The following UBXN4 variants were observed in gnomAD, a reference collection of about 807,000 sequenced individuals.
The protein encoded by UBXN4 is UBX domain protein 4.
A neutral mutation model predicts 66.2 loss-of-function variants in UBXN4; 35 were observed. The ratio of observed to expected loss-of-function variants is 0.53; its 90% confidence interval spans 0.40 to 0.70. The LOEUF (loss-of-function observed/expected upper bound fraction) is 0.70, where lower values mean the gene tolerates loss of function less well. Ranked by LOEUF, UBXN4 falls within the 30% of genes least tolerant of loss-of-function variation. The probability of loss-of-function intolerance (pLI) is 0.00; values close to 1 mark genes in which losing one functional copy is unlikely to be tolerated. For missense variants in UBXN4, 533 were observed against 599.8 expected (o/e 0.89, Z 1.16); for synonymous variants, 203 against 204.5 (o/e 0.99, Z 0.06).
intron 5 of UBXN4, among the ~76,000 whole-genome samples, chr2:135,760,948 T>G (rs1398083107): frequency 1.3e-5 from 2 of 152,228 alleles, no homozygotes; most frequent in Non-Finnish European, 2.9e-5. Context: ...TCATACTAAT[T>G]ATTTTTACTA....
At chr2:135,755,822 C>T (rs906238345) in intron 5 of UBXN4, 131 bp downstream of exon 5, 3 of 541,288 alleles carry the variant, frequency 5.5e-6, no homozygotes, top group South Asian at 8.8e-5. Flanking sequence ...ATTTAAGAGT[C>T]ATATTAAATA....
chr2:135,780,745 G>A lies in UBXN4; in HGVS notation c.1388+360G>A, dbSNP rs117921176. Among the ~76,000 whole-genome samples, 54 of 152,154 alleles carry A rather than the reference G, an allele frequency of 3.5e-4. No individual in the cohort carries two copies. The East Asian group carries it at 9.3e-3, about 26-fold the overall frequency. On this transcript the variant is annotated intron_variant, in intron 12 of 12. Coordinates refer to ENST00000272638, the MANE Select transcript of UBXN4 (RefSeq NM_014607.4). ...GACAAGATAGTTCATTGCATTAATC[G>A]TTCAGGGTCATCTTGCATAATTACT...
intron 10 of UBXN4, among the ~76,000 whole-genome samples, chr2:135,776,859 G>A (rs1279563340): frequency 2.6e-5 from 4 of 152,166 alleles, no homozygotes; most frequent in East Asian, 3.9e-4. Flanking sequence ...CTCGCAGTGC[G>A]TTGGGATTAC....
chr2:135,767,542 T>C (rs1374689769), intron 6 of UBXN4, among the ~76,000 whole-genome samples: 1 of 152,230 alleles, frequency 6.6e-6, no homozygotes, highest in African/African-American at 2.4e-5. Flanking sequence ...TTTGATCTCC[T>C]TTGTTCAGCT....
At chr2:135,779,104 T>C in intron 11 of UBXN4, 25 bp downstream of exon 11, 2 of 1,551,458 alleles carry the variant, frequency 1.3e-6, no homozygotes, top group Non-Finnish European at 1.7e-6. Context: ...ATGCATTTTT[T>C]TCTCTTCTTA....
intron 10 of UBXN4, 33 bp from the exon 11 acceptor site, chr2:135,778,915 G>T: frequency 1.3e-6 from 2 of 1,561,804 alleles, no homozygotes; most frequent in Non-Finnish European, 1.7e-6. Context: ...ACTTTTAAAG[G>T]CACTCTTTAA....
At position 135,770,641 on chromosome 2, in the gene UBXN4, A is replaced by G; in HGVS notation, c.728A>G (p.Glu243Gly). Residue 243 changes from glutamate (E) to glycine (G), a missense_variant, in exon 8 of 13, where the codon GAA (glutamate) becomes GGA (glycine). Glu to Gly is a moderately conservative substitution (Grantham distance 98, BLOSUM62 -2). This residue lies in a region of UBXN4 where 529 missense variants were observed against 580.1 expected (regional missense o/e 0.91). Transcript: ENST00000272638. ...KEMLDYKRKQ[E>G]EELTKRMLEE... ...ATGTTGGATTATAAAAGAAAACAAG[A>G]AGAAGAATTAACAAAAAGAATGCTG... is the stretch of plus-strand genomic sequence containing the variant. The G allele has an allele frequency of 6.4e-7, 1 of 1,573,428 alleles. No individual in the cohort carries two copies. The highest frequency in any genetic ancestry group is 8.6e-7 in the Non-Finnish European group (1 of 1,165,790).
At chr2:135,744,242 G>A (rs1333705863) in intron 1 of UBXN4, among the ~76,000 whole-genome samples, 3 of 152,192 alleles carry the variant, frequency 2.0e-5, no homozygotes, top group South Asian at 2.1e-4. Context: ...GTTGGAAGAC[G>A]TGATCTCAAG....
intron 9 of UBXN4, among the ~76,000 whole-genome samples, chr2:135,773,551 T>C (rs950855465): frequency 5.3e-5 from 8 of 152,178 alleles, no homozygotes; most frequent in Non-Finnish European, 2.9e-5. Flanking sequence ...ATGCCCAATC[T>C]TGTGGTGAAG....
Position 135,783,006 on chromosome 2 carries a change from T to C in UBXN4, c.*119T>C. Reference sequence around the variant, plus strand: ...CCAACTGGTCTATAAAATGTCTCTTTATTCCTGCTTAGTGGGTGTGGGTTG... The same window carrying C: ...CCAACTGGTCTATAAAATGTCTCTTCATTCCTGCTTAGTGGGTGTGGGTTG... On this transcript the variant is annotated 3_prime_UTR_variant, in exon 13 of 13. Transcript: ENST00000272638. 4 of 1,103,840 alleles carry C rather than the reference T, an allele frequency of 3.6e-6. No homozygotes were observed. The highest frequency in any genetic ancestry group is 5.1e-6 in the Non-Finnish European group (4 of 781,086). 68.4% of individuals were successfully genotyped at this position (1,103,840 alleles called of 1,614,324 possible).
At chr2:135,763,995 G>A (rs1489387905) in intron 6 of UBXN4, among the ~76,000 whole-genome samples, 2 of 151,094 alleles carry the variant, frequency 1.3e-5, no homozygotes, top group African/African-American at 2.4e-5. Context: ...GGCATGGCAC[G>A]CATCTGTAGT....
intron 6 of UBXN4, among the ~76,000 whole-genome samples, chr2:135,762,443 C>T (rs1198333745): frequency 6.6e-6 from 1 of 151,898 alleles, no homozygotes; most frequent in African/African-American, 2.4e-5. Context: ...AGTGGTTAAG[C>T]GGGAATATTT....
chr2:135,747,702 T>C (rs1435240637), intron 1 of UBXN4: 7 of 456,074 alleles, frequency 1.5e-5, no homozygotes, highest in Non-Finnish European at 3.1e-5. Flanking sequence ...TGGTGCAATC[T>C]CCGCTCACTG....
intron 5 of UBXN4, among the ~76,000 whole-genome samples, chr2:135,759,400 G>A (rs6724569): frequency 0.17 from 26,030 of 151,984 alleles, 2,546 homozygotes; most frequent in Middle Eastern, 0.38. Context: ...GTTACAGTTC[G>A]ATATATTGCT....
At chr2:135,752,725 GTTC>G (rs2077251721) in intron 2 of UBXN4, among the ~76,000 whole-genome samples, 3 of 152,028 alleles carry the variant, frequency 2.0e-5, no homozygotes, top group Admixed American at 2.0e-4. Context: ...AGAGCAAATA[GTTC>G]TTTCTCTTTT....
intron 2 of UBXN4, 28 bp from the exon 3 acceptor site, chr2:135,753,511 A>G (rs757147329): frequency 2.0e-6 from 3 of 1,516,014 alleles, no homozygotes; most frequent in Admixed American, 2.7e-5. Flanking sequence ...GCATTCATCT[A>G]GTGATTTTGT....
In UBXN4 at chr2:135,780,271, T is replaced by C; in HGVS notation, c.1274T>C (p.Ile425Thr). The part of the protein sequence containing the change: ...LGTVLYPFLA[I>T]WRLISNFLFS... ...ACAGTGCTTTATCCATTCCTTGCCA[T>C]CTGGAGATTAATTAGCAATTTCTTG... Residue 425 changes from isoleucine (I) to threonine (T), a missense_variant, in exon 12 of 13, where the codon ATC becomes ACC. Coordinates refer to ENST00000272638, the MANE Select transcript of UBXN4 (RefSeq NM_014607.4). The C allele has an allele frequency of 6.2e-7, 1 of 1,614,188 alleles. No individual in the cohort carries two copies. Among genetic ancestry groups the C allele is most frequent in the Non-Finnish European group, 8.5e-7 (1 of 1,180,038 alleles).
chr2:135,767,136 G>A (rs1324996208), intron 6 of UBXN4, among the ~76,000 whole-genome samples: 5 of 152,204 alleles, frequency 3.3e-5, no homozygotes, highest in East Asian at 1.9e-4. Flanking sequence ...CAAGGTGGGC[G>A]GGTCACCTGA....
intron 2 of UBXN4, among the ~76,000 whole-genome samples, chr2:135,752,030 A>G (rs1289458176): frequency 1.4e-5 from 2 of 140,948 alleles, no homozygotes; most frequent in African/African-American, 5.3e-5. Flanking sequence ...TAGCATTTTG[A>G]CATACTTTTC....
Sources: allele counts gnomAD v4.1 joint callset (sites outside exome capture counted in the v4.1 genomes callset), GRCh38; gene constraint gnomAD v4.1.1; regional missense constraint gnomAD v4.1.1; transcripts MANE v1.5; gene names NCBI Gene and HGNC (gene_info 2026-07-23, HGNC 2026-07-21).